ALDH1L2: variants seen among roughly 807,000 people sequenced by gnomAD.
ALDH1L2 encodes mitochondrial 10-formyltetrahydrofolate dehydrogenase.
A neutral mutation model predicts 111.0 loss-of-function variants in ALDH1L2; 91 were observed. That is an observed-to-expected ratio of 0.82 (90% CI 0.69 to 0.98). The LOEUF is 0.98. Among genes scored for constraint, ALDH1L2 ranks in the 50% least tolerant of loss-of-function variants. ALDH1L2 has a pLI of 0.00. For missense variants in ALDH1L2, 995 were observed against 1,126.8 expected, an observed-to-expected ratio of 0.88 and a Z score of 1.67; for synonymous variants, 374 against 392.6, an observed-to-expected ratio of 0.95 and a Z score of 0.56.
In ALDH1L2 at chr12:105,061,051, T is replaced by G; in HGVS notation, c.1069A>C (p.Ser357Arg). 4 of 1,613,786 alleles carry G rather than the reference T, an allele frequency of 2.5e-6. No individual in the cohort carries two copies. In the African/African-American group the frequency reaches 5.3e-5, roughly 22 times the overall value. The change falls in exon 9 of 23, where the codon AGC (serine) becomes CGC (arginine). Residue 357 changes from serine to arginine, a missense_variant. Physicochemically the swap from Ser to Arg is moderately radical, Grantham distance 110. Transcript: ENST00000258494. ...TIKVIWAGIL[S>R]NVPIIEDSTD... ...GAGTCTTCAATAATGGGGACATTGC[T>G]TAAAATTCCAGCCCAGATGACCTAC...
Position 105,046,149 on chromosome 12 carries a change from T to TTCTCTCTCTC in ALDH1L2, c.1863+551_1863+560dup, listed in dbSNP as rs541003101. Among the ~76,000 whole-genome samples, 51 of 35,964 alleles carry TTCTCTCTCTC rather than the reference T, an allele frequency of 1.4e-3. 1 individual carries two copies. Among genetic ancestry groups the TTCTCTCTCTC allele is most frequent in the African/African-American group, 3.8e-3 (31 of 8,062 alleles). 23.6% of individuals were successfully genotyped at this position (35,964 alleles called of 152,430 possible). A position where few individuals can be genotyped will look rare whatever the true frequency, so the allele number is the denominator to read the frequency against. The stretch of plus-strand genomic sequence containing the variant: ...ATGCTTTTCCCTCATCTTCTACATC[T>TTCTCTCTCTC]TCTCTCTCTCTCTCTCTCTCTCTCT... On this transcript the variant is annotated intron_variant, in intron 15 of 22. Transcript: ENST00000258494.
rs894241132 is a variant in ALDH1L2 at position 105,066,649 on chromosome 12, T to C, written c.615A>G (p.Ile205Met). The change falls in exon 5 of 23, where the codon ATA becomes ATG. Residue 205 changes from isoleucine to methionine, a missense_variant. By Grantham distance (10) the Ile-to-Met change is conservative. Coordinates refer to ENST00000258494, the MANE Select transcript of ALDH1L2 (RefSeq NM_001034173.4). ...GTATACGAGGAGCTTTTCCATCAGC[T>C]ATGAGTTGGACAGCTTCTACCTAAG... ...IKAMVEAVQLIADGKAPRIPQ... is the reference protein window; with the variant it reads ...IKAMVEAVQLMADGKAPRIPQ... 8.7e-6 allele frequency: 14 copies of C among 1,614,074 alleles called. No homozygotes were observed. The highest frequency in any genetic ancestry group is 1.2e-5 in the Non-Finnish European group (14 of 1,180,026).
intron 6 of ALDH1L2, 36 bp downstream of exon 6, chr12:105,065,231 G>T (rs1877274859): frequency 2.5e-6 from 3 of 1,214,904 alleles, no homozygotes; most frequent in Middle Eastern, 2.2e-4. Context: ...GTAATAATCG[G>T]GGAGGGGGGT....
At position 105,034,352 on chromosome 12, in the gene ALDH1L2, G is replaced by A. The variant is rs1874864612; in HGVS notation, c.2192C>T (p.Ala731Val). 6.2e-7 allele frequency: 1 copy of A among 1,613,354 alleles called. No individual in the cohort carries two copies. The highest frequency in any genetic ancestry group is 1.3e-5 in the African/African-American group (1 of 74,842). ...FFNKGENCIAAGRLFVEESIH... is the reference protein window; with the variant it reads ...FFNKGENCIAVGRLFVEESIH... ...GGATTCTTCCACGAACAACCGCCCA[G>A]CAGCAATACAGTTCTCTCCTTTGTT... The change falls in exon 19 of 23, where the codon GCT (alanine) becomes GTT (valine). Residue 731 changes from alanine to valine, a missense_variant. Ala to Val is a moderately conservative substitution (Grantham distance 64). Coordinates refer to ENST00000258494, the MANE Select transcript of ALDH1L2 (RefSeq NM_001034173.4).
Position 105,073,343 on chromosome 12 carries a change from A to G in ALDH1L2, c.193+518T>C, listed in dbSNP as rs1339730735. On this transcript the variant is annotated intron_variant, in intron 2 of 22. Coordinates refer to ENST00000258494, the MANE Select transcript of ALDH1L2 (RefSeq NM_001034173.4). ...CCACTTCCTCATATAGTTACTCTAT[A>G]AGTGAGGTTGGTAGTTTTTCTTTTT... Among the ~76,000 whole-genome samples, 3 of 152,314 alleles carry G rather than the reference A, an allele frequency of 2.0e-5. No individual in the cohort carries two copies. In the East Asian group the frequency reaches 5.8e-4, roughly 29 times the overall value.
chr12:105,031,636 G>A lies in ALDH1L2; in HGVS notation c.2410+133C>T, dbSNP rs111258432. On this transcript the variant is annotated intron_variant, in intron 20 of 22. Coordinates refer to ENST00000258494, the MANE Select transcript of ALDH1L2 (RefSeq NM_001034173.4). ...CCTCAGCCTCCCCAGTAGCAGGTGC[G>A]TGCCACCACACTGGGCTAATTTTTG... 188 of 1,277,910 alleles carry A rather than the reference G, an allele frequency of 1.5e-4. 2 individuals carry two copies. In the African/African-American group the frequency reaches 2.2e-3, roughly 15 times the overall value. The allele number at this position is 1,277,910 out of a possible 1,614,324, so 79.2% of individuals were successfully genotyped here. A position where few individuals can be genotyped will look rare whatever the true frequency, so the allele number is the denominator to read the frequency against.
chr12:105,076,953 C>T (rs1296272663), intron 1 of ALDH1L2, among the ~76,000 whole-genome samples: 1 of 152,242 alleles, frequency 6.6e-6, no homozygotes, highest in Admixed American at 6.5e-5. Flanking sequence ...AAGGGCAGAG[C>T]TAATAAGGGT....
chr12:105,045,233 G>A (rs1177245399), intron 15 of ALDH1L2, among the ~76,000 whole-genome samples: 3 of 152,016 alleles, frequency 2.0e-5, no homozygotes, highest in Admixed American at 1.3e-4. Flanking sequence ...ACAGGCATCC[G>A]CCACCATGCC....
rs1877514990 is a variant in ALDH1L2 at position 105,068,729 on chromosome 12, A to T, written c.584T>A (p.Ile195Asn). The T allele has an allele frequency of 1.3e-6, 2 of 1,530,304 alleles. No homozygotes were observed. The highest frequency in any genetic ancestry group is 8.8e-7 in the Non-Finnish European group (1 of 1,139,690). The allele number at this position is 1,530,304 out of a possible 1,614,324, so 94.8% of individuals were successfully genotyped here. Residue 195 changes from isoleucine (I) to asparagine (N), a missense_variant, in exon 4 of 23, where the codon ATC becomes AAC. Physicochemically the swap from Ile to Asn is moderately radical, Grantham distance 149. Transcript: ENST00000258494. Reference protein sequence around the residue: ...LYNRFLFPEGIKAMVEAVQLI... With the variant: ...LYNRFLFPEGNKAMVEAVQLI... ...GCAAAATATACTAACCATGGCCTTG[A>T]TTCCTTCAGGAAAAAGAAACCGATT...
chr12:105,080,869 T>A (rs1457419080), intron 1 of ALDH1L2, among the ~76,000 whole-genome samples: 1 of 152,188 alleles, frequency 6.6e-6, no homozygotes, highest in Non-Finnish European at 1.5e-5. Context: ...ATCATGAGGA[T>A]TAAAGGAGTA....
intron 19 of ALDH1L2, among the ~76,000 whole-genome samples, chr12:105,032,261 T>C (rs531926801): frequency 1.4e-5 from 2 of 147,944 alleles, no homozygotes; most frequent in Admixed American, 6.9e-5. Flanking sequence ...CACTGCAACC[T>C]CTGCCTCCCG....
intron 6 of ALDH1L2, among the ~76,000 whole-genome samples, 200 bp downstream of exon 6, chr12:105,065,067 G>T (rs1456076151): frequency 1.3e-5 from 2 of 152,086 alleles, no homozygotes; most frequent in Non-Finnish European, 2.9e-5. Flanking sequence ...CCATAAAACT[G>T]CAGGCTCCTT....
chr12:105,084,022 C>T (rs1878461134), intron 1 of ALDH1L2, among the ~76,000 whole-genome samples: 1 of 152,162 alleles, frequency 6.6e-6, no homozygotes, highest in Admixed American at 6.5e-5. Context: ...GGCTCCAGCT[C>T]TTGACCAGGG....
Position 105,031,758 on chromosome 12 carries a change from G to A in ALDH1L2, c.2410+11C>T, listed in dbSNP as rs1371829602. 2.5e-6 allele frequency: 4 copies of A among 1,613,614 alleles called. No homozygotes were observed. The highest frequency in any genetic ancestry group is 2.2e-5 in the East Asian group (1 of 44,882). ...CGGGCACCCGGTAAACCCCCACAGA[G>A]GTGATCTTACCTGGCCTTTGGACTT... On this transcript the variant is annotated intron_variant, in intron 20 of 22. Coordinates refer to ENST00000258494, the MANE Select transcript of ALDH1L2 (RefSeq NM_001034173.4).
At chr12:105,075,348 G>T (rs1877987043) in intron 1 of ALDH1L2, among the ~76,000 whole-genome samples, 1 of 152,240 alleles carries the variant, frequency 6.6e-6, no homozygotes, top group Non-Finnish European at 1.5e-5. Context: ...ACTTTGGGAG[G>T]CTGAGGCGGG....
chr12:105,063,089 C>T (rs1877103083), intron 6 of ALDH1L2, 67 bp from the exon 7 acceptor site: 2 of 1,483,058 alleles, frequency 1.3e-6, no homozygotes, highest in South Asian at 1.4e-5. Context: ...TATGTATAAG[C>T]ATCATTCTCT....
intron 22 of ALDH1L2, among the ~76,000 whole-genome samples, chr12:105,025,253 AC>A (rs1233994495): frequency 6.6e-6 from 1 of 152,096 alleles, no homozygotes; most frequent in Non-Finnish European, 1.5e-5. Flanking sequence ...CCCACATCAC[AC>A]CCCAGATCAA....
At chr12:105,083,425 G>C (rs1878422416) in intron 1 of ALDH1L2, among the ~76,000 whole-genome samples, 1 of 151,794 alleles carries the variant, frequency 6.6e-6, no homozygotes, top group Non-Finnish European at 1.5e-5. Flanking sequence ...GGTTGTCTGG[G>C]ATACAGAAAG....
In ALDH1L2 at chr12:105,060,772, C is replaced by T. The variant is rs566195293; in HGVS notation, c.1139+209G>A. The T allele has an allele frequency of 3.6e-4, 100 of 276,192 alleles. No individual in the cohort carries two copies. The Middle Eastern group carries it at 3.9e-3, about 11-fold the overall frequency. The allele number at this position is 276,192 out of a possible 1,614,324, so 17.1% of individuals were successfully genotyped here. On this transcript the variant is annotated intron_variant, in intron 9 of 22. Coordinates refer to ENST00000258494, the MANE Select transcript of ALDH1L2 (RefSeq NM_001034173.4). ...CTGGGAGGCGGAGGTTGCGGTGAGCCGAGATCGCACCATTGCACTCCAGCC... is the reference window on the plus strand; with the variant it reads ...CTGGGAGGCGGAGGTTGCGGTGAGCTGAGATCGCACCATTGCACTCCAGCC...
Sources: gnomAD v4.1 joint callset for allele counts (sites outside exome capture counted in the v4.1 genomes callset) on GRCh38, gnomAD v4.1.1 for gene constraint, MANE v1.5 for transcripts, NCBI Gene and HGNC (gene_info 2026-07-23, HGNC 2026-07-21) for gene names.